Variants in FBXW10 observed in about 807,000 individuals in gnomAD.
FBXW10 encodes F-box and WD repeat domain containing 10, also known as F-box/WD repeat-containing protein 10.
Under a neutral mutation model 113.1 loss-of-function variants are expected in FBXW10, and 68 were observed. That is an observed-to-expected ratio of 0.60 (90% CI 0.49 to 0.74). The LOEUF (loss-of-function observed/expected upper bound fraction) is 0.74. FBXW10 is among the 30% of genes least tolerant of loss of function. The probability of loss-of-function intolerance (pLI) is 0.00; values close to 1 mark genes in which losing one functional copy is unlikely to be tolerated. For synonymous variants in FBXW10, 289 were observed against 481.6 expected, an observed-to-expected ratio of 0.60 and a Z score of 5.24; for missense variants, 753 against 1,284.5, an observed-to-expected ratio of 0.59 and a Z score of 6.32.
chr17:18,757,571 C>T (rs1158269674), intron 6 of FBXW10, among the ~76,000 whole-genome samples: 1 of 152,144 alleles, frequency 6.6e-6, no homozygotes, highest in Non-Finnish European at 1.5e-5. Context: ...CGCTTGAGGC[C>T]AAGAGTTGGA....
intron 13 of FBXW10, among the ~76,000 whole-genome samples, chr17:18,777,790 T>A (rs12946756): frequency 0.47 from 70,689 of 151,062 alleles, 16,812 homozygotes; most frequent in Non-Finnish European, 0.5. Flanking sequence ...TGATCCACCC[T>A]CCTGGGTCTC....
chr17:18,752,097 G>A (rs2035181545), intron 5 of FBXW10, among the ~76,000 whole-genome samples: 1 of 152,176 alleles, frequency 6.6e-6, no homozygotes, highest in African/African-American at 2.4e-5. Context: ...ATTAGAATTT[G>A]AGAAACAGAA....
At chr17:18,771,939 C>T (rs1011535859) in intron 11 of FBXW10, among the ~76,000 whole-genome samples, 2 of 151,976 alleles carry the variant, frequency 1.3e-5, no homozygotes, top group African/African-American at 2.4e-5. Flanking sequence ...GAAACCCTGT[C>T]GCTACTAAAA....
At position 18,776,797 on chromosome 17, in the gene FBXW10, A is replaced by G. The variant is rs1239242930; in HGVS notation, c.2335+1605A>G. On this transcript the variant is annotated intron_variant, in intron 13 of 13. Transcript: ENST00000395665. The stretch of plus-strand genomic sequence containing the variant: ...GTCCGCATTTTCTTCTAGGTTGACC[A>G]TTAACAAACTAAATGTCCATCAATG... Among the ~76,000 whole-genome samples, 4 of 152,334 alleles carry G rather than the reference A, an allele frequency of 2.6e-5. No homozygotes were observed. The East Asian group carries it at 7.7e-4, about 29-fold the overall frequency.
At chr17:18,770,433 G>A (rs1252667641) in intron 11 of FBXW10, among the ~76,000 whole-genome samples, 1 of 151,852 alleles carries the variant, frequency 6.6e-6, no homozygotes, top group African/African-American at 2.4e-5. Flanking sequence ...CTCCCGAGTA[G>A]CTGGGATTAC....
chr17:18,746,919 CTTTTTTT>C (rs1166761219), intron 1 of FBXW10, among the ~76,000 whole-genome samples: 3 of 129,140 alleles, frequency 2.3e-5, no homozygotes, highest in Middle Eastern at 3.9e-3. Context: ...TGGCAACCTT[CTTTTTTT>C]TTTTTTTTTT....
intron 7 of FBXW10, among the ~76,000 whole-genome samples, chr17:18,762,971 G>A (rs1036718983): frequency 7.4e-5 from 11 of 148,758 alleles, no homozygotes; most frequent in African/African-American, 2.7e-4. Flanking sequence ...TTCTTTCAGA[G>A]CACTGTGCCA....
Position 18,766,880 on chromosome 17 carries a change from T to C in FBXW10, c.1704+18T>C, listed in dbSNP as rs7223011. On this transcript the variant is annotated intron_variant, in intron 9 of 13. Transcript: ENST00000395665. Reference sequence around the variant, plus strand: ...TGGTAAAGGTAAGTGGGCAGTGGGCTACCTTGGCGGAAAGGGCACTGGGGA... The same window carrying C: ...TGGTAAAGGTAAGTGGGCAGTGGGCCACCTTGGCGGAAAGGGCACTGGGGA... 2.8e-3 allele frequency: 4,324 copies of C among 1,564,810 alleles called. 93 individuals carry two copies. In the African/African-American group the frequency reaches 0.05, roughly 18 times the overall value.
chr17:18,762,139 T>C (rs940105654), intron 7 of FBXW10, among the ~76,000 whole-genome samples: 1 of 148,894 alleles, frequency 6.7e-6, no homozygotes, highest in Non-Finnish European at 1.5e-5. Flanking sequence ...ATTTTTTGTA[T>C]TTTTAGTAGA....
At chr17:18,749,056 T>C (rs1378536997) in intron 2 of FBXW10, among the ~76,000 whole-genome samples, 2 of 152,176 alleles carry the variant, frequency 1.3e-5, no homozygotes, top group Non-Finnish European at 2.9e-5. Flanking sequence ...TAGCACTGGC[T>C]TCAACAATTA....
At chr17:18,745,224 T>G in intron 1 of FBXW10, 6 of 990,090 alleles carry the variant, frequency 6.1e-6, no homozygotes, top group Non-Finnish European at 6.0e-6. Context: ...CCATGCTCCT[T>G]GCTTATCCAT....
chr17:18,747,875 C>G, intron 1 of FBXW10, 66 bp from the exon 2 acceptor site: 1 of 1,610,614 alleles, frequency 6.2e-7, no homozygotes, highest in Non-Finnish European at 8.5e-7. Context: ...AAAAGTTTCT[C>G]TCCACCTCAT....
At position 18,757,562 on chromosome 17, in the gene FBXW10, G is replaced by A. The variant is rs373487829; in HGVS notation, c.1233-743G>A. On this transcript the variant is annotated intron_variant, in intron 6 of 13. Transcript: ENST00000395665. ...TTTGGGAGGCTGAGGTAGGAGGATC[G>A]CTTGAGGCCAAGAGTTGGAGGTTAC... is the stretch of plus-strand genomic sequence containing the variant. Among the ~76,000 whole-genome samples the A allele has an allele frequency of 9.2e-5, 14 of 152,272 alleles. No homozygotes were observed. In the East Asian group the frequency reaches 1.5e-3, roughly 17 times the overall value.
chr17:18,774,647 T>G (rs978915893), intron 12 of FBXW10, among the ~76,000 whole-genome samples: 1 of 151,932 alleles, frequency 6.6e-6, no homozygotes, highest in African/African-American at 2.4e-5. Context: ...TACAAAAAAA[T>G]TAGCCGGTGT....
chr17:18,777,721 T>G (rs1243562740), intron 13 of FBXW10, among the ~76,000 whole-genome samples: 3 of 151,536 alleles, frequency 2.0e-5, no homozygotes, highest in African/African-American at 7.3e-5. Flanking sequence ...TTTTTTGTAT[T>G]TTTAGTAGAG....
chr17:18,773,652 C>A (rs973782104), intron 12 of FBXW10, among the ~76,000 whole-genome samples: 2 of 152,142 alleles, frequency 1.3e-5, no homozygotes, highest in East Asian at 1.9e-4. Context: ...CTATAGAGAA[C>A]AATGATAAAT....
At chr17:18,758,548 C>T in intron 7 of FBXW10, 43 bp downstream of exon 7, 1 of 1,610,034 alleles carries the variant, frequency 6.2e-7, no homozygotes, top group South Asian at 1.1e-5. Context: ...CCACCTAGGG[C>T]CTAGAGGCAG....
intron 5 of FBXW10, among the ~76,000 whole-genome samples, chr17:18,755,681 GA>G (rs2035247759): frequency 6.6e-6 from 1 of 152,142 alleles, no homozygotes; most frequent in Non-Finnish European, 1.5e-5. Flanking sequence ...CGACTTCTGT[GA>G]AATGGTCGGT....
At chr17:18,768,703 T>C (rs778026610) in intron 10 of FBXW10, 27 bp downstream of exon 10, 1 of 1,612,502 alleles carries the variant, frequency 6.2e-7, no homozygotes, top group South Asian at 1.1e-5. Context: ...CCCGGAGCGA[T>C]GAACCTGGTG....
Sources: allele counts gnomAD v4.1 joint callset (sites outside exome capture counted in the v4.1 genomes callset), GRCh38; gene constraint gnomAD v4.1.1; transcripts MANE v1.5; gene names NCBI Gene and HGNC (gene_info 2026-07-23, HGNC 2026-07-21).